FREM2: variants seen among roughly 807,000 people sequenced by gnomAD.
FREM2 encodes FRAS1 related extracellular matrix 2.
A neutral mutation model predicts 219.9 loss-of-function variants in FREM2; 119 were observed. The observed-to-expected ratio is 0.54, with a 90% confidence interval of 0.47 to 0.63. The LOEUF is 0.63. Among genes scored for constraint, FREM2 ranks in the 30% least tolerant of loss-of-function variants. The pLI, the probability that FREM2 is intolerant of heterozygous loss-of-function variation, is 0.00. For missense variants in FREM2, 4,030 were observed against 3,993.6 expected, an observed-to-expected ratio of 1.01 and a Z score of -0.25; for synonymous variants, 1,562 against 1,522.8, an observed-to-expected ratio of 1.03 and a Z score of -0.60.
At chr13:38,846,759 GC>G in intron 7 of FREM2, 37 bp downstream of exon 7, 1 of 1,610,964 alleles carries the variant, frequency 6.2e-7, no homozygotes, top group Non-Finnish European at 8.5e-7. Flanking sequence ...TGATTGTTCT[GC>G]AATTTTCAAT....
chr13:38,765,077 A>T (rs1458284522), intron 3 of FREM2, among the ~76,000 whole-genome samples: 1 of 151,972 alleles, frequency 6.6e-6, no homozygotes, highest in East Asian at 1.9e-4. Flanking sequence ...TACCCAGCTA[A>T]TTTTTTGTAT....
Position 38,885,259 on chromosome 13 carries a change from C to A in FREM2, c.*4472C>A, listed in dbSNP as rs1344048067. On this transcript the variant is annotated 3_prime_UTR_variant, in exon 24 of 24. Transcript: ENST00000280481. ...CTCTTGAACTAGTGTTGACAAAATA[C>A]ACTAATGTCTTTCTTAATTTTATTT... 6.6e-6 allele frequency: 1 copy of A among 152,142 alleles called. No individual in the cohort carries two copies. Among genetic ancestry groups the A allele is most frequent in the African/African-American group, 2.4e-5 (1 of 41,454 alleles). The allele number at this position is 152,142 out of a possible 1,614,324, so 9.4% of individuals were successfully genotyped here. A position where few individuals can be genotyped will look rare whatever the true frequency, so the allele number is the denominator to read the frequency against.
At chr13:38,697,896 C>T (rs1870183112) in intron 2 of FREM2, 109 bp downstream of exon 2, 1 of 735,226 alleles carries the variant, frequency 1.4e-6, no homozygotes, top group Admixed American at 2.0e-5. Flanking sequence ...TTCATGATCA[C>T]CTAAATTTAA....
intron 16 of FREM2, among the ~76,000 whole-genome samples, chr13:38,870,666 T>G (rs1233946516): frequency 6.6e-6 from 1 of 152,154 alleles, no homozygotes; most frequent in Non-Finnish European, 1.5e-5. Flanking sequence ...AAAGAAGACC[T>G]AGCCATGGGT....
chr13:38,764,765 C>G (rs1366898973), intron 3 of FREM2, among the ~76,000 whole-genome samples: 1 of 152,174 alleles, frequency 6.6e-6, no homozygotes. Flanking sequence ...TAAAAGTTTT[C>G]TGAAACATGA....
chr13:38,730,100 T>A (rs1241361393), intron 2 of FREM2, among the ~76,000 whole-genome samples: 3 of 152,328 alleles, frequency 2.0e-5, no homozygotes, highest in African/African-American at 7.2e-5. Flanking sequence ...GAGCACAGCC[T>A]TTGCCTAGTG....
chr13:38,719,604 G>A (rs1181006484), intron 2 of FREM2, among the ~76,000 whole-genome samples: 1 of 152,124 alleles, frequency 6.6e-6, no homozygotes, highest in Non-Finnish European at 1.5e-5. Context: ...ATTCTGTTGG[G>A]CTCACCCAGA....
intron 2 of FREM2, among the ~76,000 whole-genome samples, chr13:38,698,676 T>C (rs538868828): frequency 3.2e-4 from 49 of 152,316 alleles, no homozygotes; most frequent in Middle Eastern, 6.8e-3. Context: ...ATTCATACTC[T>C]GTTATCTGTT....
chr13:38,743,585 C>T (rs575579569), intron 2 of FREM2, among the ~76,000 whole-genome samples: 172 of 152,184 alleles, frequency 1.1e-3, no homozygotes, highest in Admixed American at 3.5e-3. Context: ...GGCTATTTAG[C>T]GCAAGTACAG....
chr13:38,732,805 G>T (rs1335345859), intron 2 of FREM2, among the ~76,000 whole-genome samples: 1 of 152,206 alleles, frequency 6.6e-6, no homozygotes. Context: ...ACTACATAGA[G>T]AATCTGTAGA....
intron 6 of FREM2, among the ~76,000 whole-genome samples, chr13:38,835,490 A>C (rs1240772862): frequency 6.6e-6 from 1 of 152,206 alleles, no homozygotes; most frequent in African/African-American, 2.4e-5. Context: ...AAGAAAGTCA[A>C]TGGTAGCTTG....
At chr13:38,764,598 G>A (rs912199587) in intron 3 of FREM2, 148 bp downstream of exon 3, 1 of 593,144 alleles carries the variant, frequency 1.7e-6, no homozygotes, top group Non-Finnish European at 3.0e-6. Context: ...ACAAGCAACA[G>A]GTTTGTGTCA....
rs1048648660 is a variant in FREM2, at chr13:38,856,196, G to A, written c.6996G>A (p.Glu2332=). Residue 2332 remains glutamate (E), a synonymous_variant, in exon 12 of 24, where the codon GAG becomes GAA. Transcript: ENST00000280481. ...AAGTTACCTTTGACGGGGTGAGAGA[G>A]ATGAGAGAGGCCTTCACTGTTCACC... The part of the protein sequence containing the change: ...EIEVTFDGVR[E]MREAFTVHLK... The A allele has an allele frequency of 6.2e-7, 1 of 1,612,614 alleles. No individual in the cohort carries two copies. The highest frequency in any genetic ancestry group is 1.3e-5 in the African/African-American group (1 of 74,882).
At chr13:38,773,398 CT>C (rs544438744) in intron 4 of FREM2, among the ~76,000 whole-genome samples, 19 of 150,724 alleles carry the variant, frequency 1.3e-4, no homozygotes, top group African/African-American at 3.7e-4. Context: ...CCCACACCCC[CT>C]TTTTTTTTCG....
intron 2 of FREM2, among the ~76,000 whole-genome samples, chr13:38,720,405 G>C (rs1381889672): frequency 1.2e-4 from 19 of 152,098 alleles, no homozygotes; most frequent in Non-Finnish European, 2.8e-4. Context: ...TGCCAGCCAC[G>C]TTGCTTAAAG....
chr13:38,728,016 A>G (rs894659674), intron 2 of FREM2, among the ~76,000 whole-genome samples: 3 of 152,216 alleles, frequency 2.0e-5, no homozygotes, highest in East Asian at 1.9e-4. Context: ...CACACTGGAC[A>G]TTGGTTGGCC....
intron 6 of FREM2, among the ~76,000 whole-genome samples, chr13:38,821,007 T>C (rs977844858): frequency 1.3e-5 from 2 of 152,172 alleles, no homozygotes; most frequent in African/African-American, 4.8e-5. Context: ...CTGACATTGG[T>C]GGATATACCA....
intron 2 of FREM2, among the ~76,000 whole-genome samples, chr13:38,700,440 C>A (rs959121299): frequency 7.2e-5 from 11 of 152,038 alleles, no homozygotes; most frequent in African/African-American, 2.2e-4. Context: ...CAGGGGAAGT[C>A]TACTGTATTT....
chr13:38,818,961 A>G (rs961807557), intron 6 of FREM2, among the ~76,000 whole-genome samples: 3 of 152,224 alleles, frequency 2.0e-5, no homozygotes, highest in African/African-American at 7.2e-5. Context: ...GATGTGCTGG[A>G]TATACTAACT....
Sources: allele counts gnomAD v4.1 joint callset (sites outside exome capture counted in the v4.1 genomes callset), GRCh38; gene constraint gnomAD v4.1.1; transcripts MANE v1.5; gene names NCBI Gene and HGNC (gene_info 2026-07-23, HGNC 2026-07-21).